TRAF6: variants seen among roughly 807,000 people sequenced by gnomAD.
TRAF6 encodes TNF receptor-associated factor 6.
In TRAF6, 10 loss-of-function variants were observed where a neutral mutation model predicts 48.4. The observed-to-expected ratio is 0.21, with a 90% CI of 0.13 to 0.35. TRAF6 has a LOEUF of 0.35. TRAF6 is among the 10% of genes least tolerant of loss of function. The pLI is 1.00. For synonymous variants in TRAF6, 186 were observed against 219.6 expected (o/e 0.85, Z 1.35); for missense variants, 397 against 661.0 (o/e 0.60, Z 4.38).
rs1859534459 is a variant in TRAF6 at position 36,489,688 on chromosome 11, C to T, written c.*150G>A. 3 of 892,264 alleles carry T rather than the reference C, an allele frequency of 3.4e-6. No individual in the cohort carries two copies. In the African/African-American group the frequency reaches 5.0e-5, roughly 15 times the overall value. 55.3% of individuals were successfully genotyped at this position (892,264 alleles called of 1,614,324 possible). Reference sequence around the variant, plus strand: ...AAAAACTGCCTCAGATCATTTGTAACAGGAAGAAATAGTAAGTGACCTCTC... The same window carrying T: ...AAAAACTGCCTCAGATCATTTGTAATAGGAAGAAATAGTAAGTGACCTCTC... On this transcript the variant is annotated 3_prime_UTR_variant, in exon 7 of 7. Transcript: ENST00000526995.
chr11:36,494,247 G>A (rs1051822185), intron 5 of TRAF6, among the ~76,000 whole-genome samples: 41 of 152,034 alleles, frequency 2.7e-4, no homozygotes, highest in African/African-American at 8.7e-4. Context: ...GGTGGTGCAC[G>A]CCCGTAGTCC....
chr11:36,495,022 G>A lies in TRAF6; in HGVS notation c.632C>T (p.Ala211Val), dbSNP rs1175565773. The change falls in exon 5 of 7, where the codon GCA becomes GTA. Residue 211 changes from alanine (A) to valine (V), a missense_variant. Physicochemically the swap from Ala to Val is moderately conservative, Grantham distance 64. This residue lies in a region of TRAF6 where 245 missense variants were observed against 349.1 expected (regional missense o/e 0.70). Transcript: ENST00000526995. Reference protein sequence around the residue: ...KEIHDQNCPLANVICEYCNTI... With the variant: ...KEIHDQNCPLVNVICEYCNTI... ...ATTGCAGTATTCACAGATGACATTT[G>A]CCAAAGGACAGTTCTGGTCATGGAT... 6.2e-7 allele frequency: 1 copy of A among 1,605,442 alleles called. No homozygotes were observed. Among genetic ancestry groups the A allele is most frequent in the Non-Finnish European group, 8.5e-7 (1 of 1,173,030 alleles).
intron 2 of TRAF6, among the ~76,000 whole-genome samples, chr11:36,499,231 C>T (rs1859683504): frequency 6.6e-6 from 1 of 152,094 alleles, no homozygotes; most frequent in South Asian, 2.1e-4. Flanking sequence ...ACCTCTATGT[C>T]CTGCTTCTCA....
intron 6 of TRAF6, among the ~76,000 whole-genome samples, chr11:36,491,219 C>CA (rs1243094527): frequency 6.6e-6 from 1 of 152,100 alleles, no homozygotes; most frequent in Non-Finnish European, 1.5e-5. Flanking sequence ...AAATCTATTG[C>CA]AAATTGGAAT....
Position 36,501,432 on chromosome 11 carries a change from G to T in TRAF6, c.84C>A (p.Ser28Arg), listed in dbSNP as rs765097739. 1.9e-6 allele frequency: 3 copies of T among 1,614,090 alleles called. No homozygotes were observed. Among genetic ancestry groups the T allele is most frequent in the Non-Finnish European group, 2.5e-6 (3 of 1,180,006 alleles). ...DCCVAMASSC[S>R]AVTKDDSVGG... is the part of the protein sequence containing the mutation. ...CCACACTATCATCTTTTGTTACAGC[G>T]CTACAGGAGCTGGCCATGGCCACAC... The change falls in exon 2 of 7, where the codon AGC (serine) becomes AGA (arginine). Residue 28 changes from serine to arginine, a missense_variant. Transcript: ENST00000526995.
chr11:36,497,190 T>A lies in TRAF6; in HGVS notation c.524A>T (p.Asn175Ile). The A allele has an allele frequency of 6.2e-7, 1 of 1,614,094 alleles. No individual in the cohort carries two copies. The highest frequency in any genetic ancestry group is 8.5e-7 in the Non-Finnish European group (1 of 1,179,992). The part of the protein sequence containing the change: ...CQRPFQKFHI[N>I]IHILKDCPRR... The stretch of plus-strand genomic sequence containing the variant: ...TGGACAATCCTTCAGAATGTGAATA[T>A]TAATATGGAATTTTTGGAAGGGACG... Residue 175 changes from asparagine to isoleucine, a missense_variant, in exon 4 of 7, where the codon AAT becomes ATT. Physicochemically the swap from Asn to Ile is moderately radical, Grantham distance 149 (BLOSUM62 -3). Coordinates refer to ENST00000526995, the MANE Select transcript of TRAF6 (RefSeq NM_004620.4).
At position 36,501,584 on chromosome 11, in the gene TRAF6, C is replaced by G. The variant is rs142248580; in HGVS notation, c.-22-47G>C. On this transcript the variant is annotated intron_variant, in intron 1 of 6. Coordinates refer to ENST00000526995, the MANE Select transcript of TRAF6 (RefSeq NM_004620.4). ...AATGCCTTTATAAGTAACACACACA[C>G]TCACACCCCACACATATATATCATA... The G allele has an allele frequency of 1.4e-4, 186 of 1,363,616 alleles. No homozygotes were observed. The African/African-American group carries it at 2.3e-3, about 17-fold the overall frequency. The allele number at this position is 1,363,616 out of a possible 1,614,324, so 84.5% of individuals were successfully genotyped here.
intron 1 of TRAF6, among the ~76,000 whole-genome samples, chr11:36,506,034 T>C (rs1590646368): frequency 6.6e-6 from 1 of 151,968 alleles, no homozygotes; most frequent in African/African-American, 2.4e-5. Flanking sequence ...ATTCCAAGAA[T>C]TACAAAAATG....
At chr11:36,500,103 A>G (rs1340321793) in intron 2 of TRAF6, among the ~76,000 whole-genome samples, 2 of 152,246 alleles carry the variant, frequency 1.3e-5, no homozygotes, top group African/African-American at 4.8e-5. Flanking sequence ...AACAGATCTA[A>G]TACTTTGCTC....
chr11:36,498,160 A>G (rs763875351), intron 3 of TRAF6, among the ~76,000 whole-genome samples: 1 of 152,192 alleles, frequency 6.6e-6, no homozygotes, highest in Non-Finnish European at 1.5e-5. Context: ...CTGGGATTAC[A>G]GGCGTGAGCC....
chr11:36,493,147 G>A (rs1188370040), intron 5 of TRAF6, among the ~76,000 whole-genome samples: 1 of 152,206 alleles, frequency 6.6e-6, no homozygotes, highest in East Asian at 1.9e-4. Flanking sequence ...TCAGATGTTA[G>A]AAGGTACTTT....
chr11:36,500,957 C>T (rs542306974), intron 2 of TRAF6, among the ~76,000 whole-genome samples: 1 of 152,162 alleles, frequency 6.6e-6, no homozygotes, highest in African/African-American at 2.4e-5. Flanking sequence ...CCCCAGTCTG[C>T]ATTAGAATTG....
chr11:36,508,479 G>C (rs1859839923), intron 1 of TRAF6, among the ~76,000 whole-genome samples: 1 of 151,936 alleles, frequency 6.6e-6, no homozygotes, highest in Admixed American at 6.6e-5. Context: ...GGGGGAAGTA[G>C]GATAATCCAC....
At chr11:36,499,564 A>G (rs1170181310) in intron 2 of TRAF6, among the ~76,000 whole-genome samples, 1 of 152,188 alleles carries the variant, frequency 6.6e-6, no homozygotes, top group African/African-American at 2.4e-5. Context: ...GCGCCACTGC[A>G]CTTCAGCCTG....
Position 36,489,414 on chromosome 11 carries a change from T to C in TRAF6, c.*424A>G, listed in dbSNP as rs192786413. 2 of 161,920 alleles carry C rather than the reference T, an allele frequency of 1.2e-5. No homozygotes were observed. The highest frequency in any genetic ancestry group is 1.2e-4 in the Admixed American group (2 of 16,990). The allele number at this position is 161,920 out of a possible 1,614,324, so 10.0% of individuals were successfully genotyped here. A position where few individuals can be genotyped will look rare whatever the true frequency, so the allele number is the denominator to read the frequency against. On this transcript the variant is annotated 3_prime_UTR_variant, in exon 7 of 7. Coordinates refer to ENST00000526995, the MANE Select transcript of TRAF6 (RefSeq NM_004620.4). ...TCTCGAGGGCACTAGCACAAGGCGG[T>C]AGTGATTTTCACTTTTAATATATTA... is the stretch of plus-strand genomic sequence containing the variant.
intron 2 of TRAF6, 102 bp from the exon 3 acceptor site, chr11:36,498,742 A>T: frequency 8.1e-7 from 1 of 1,232,390 alleles, no homozygotes; most frequent in South Asian, 1.6e-5. Context: ...ACTGTTTCAT[A>T]AGTAAAAACA....
intron 3 of TRAF6, 142 bp downstream of exon 3, chr11:36,498,348 G>C (rs1303965607): frequency 1.6e-6 from 1 of 632,896 alleles, no homozygotes; most frequent in Admixed American, 3.6e-5. Context: ...TAATTAAAGG[G>C]TTGGCATTAA....
chr11:36,504,168 C>G (rs1473329099), intron 1 of TRAF6, among the ~76,000 whole-genome samples: 2 of 151,998 alleles, frequency 1.3e-5, no homozygotes, highest in African/African-American at 2.4e-5. Context: ...GTTGAGGTGG[C>G]TGTGAAAATT....
At chr11:36,502,775 T>C (rs1590643681) in intron 1 of TRAF6, among the ~76,000 whole-genome samples, 1 of 152,292 alleles carries the variant, frequency 6.6e-6, no homozygotes, top group South Asian at 2.1e-4. Flanking sequence ...ATTTAACTCT[T>C]TTCTTCCATT....
Sources: gnomAD v4.1 joint callset for allele counts (sites outside exome capture counted in the v4.1 genomes callset) on GRCh38, gnomAD v4.1.1 for gene constraint, gnomAD v4.1.1 regional missense constraint, MANE v1.5 for transcripts, NCBI Gene and HGNC (gene_info 2026-07-23, HGNC 2026-07-21) for gene names.